PIK3R5: variants seen among roughly 807,000 people sequenced by gnomAD.
PIK3R5 encodes phosphoinositide 3-kinase regulatory subunit 5.
A neutral mutation model predicts 94.9 loss-of-function variants in PIK3R5; 32 were observed. That is an observed-to-expected ratio of 0.34 (90% CI 0.25 to 0.45). PIK3R5 has a LOEUF of 0.45. PIK3R5 is among the 20% of genes least tolerant of loss of function. The pLI, the probability that PIK3R5 is intolerant of heterozygous loss-of-function variation, is 1.00. For missense variants in PIK3R5, 853 were observed against 1,144.6 expected (o/e 0.75, Z 3.68); for synonymous variants, 443 against 479.4 (o/e 0.92, Z 0.99).
rs2090528046 is a variant in PIK3R5, at chr17:8,911,677, A to G, written c.-13-170T>C. 1 of 572,352 alleles carries G rather than the reference A, an allele frequency of 1.7e-6. No homozygotes were observed. Among genetic ancestry groups the G allele is most frequent in the Non-Finnish European group, 3.1e-6 (1 of 319,084 alleles). The allele number at this position is 572,352 out of a possible 1,614,324, so 35.5% of individuals were successfully genotyped here. A position where few individuals can be genotyped will look rare whatever the true frequency, so the allele number is the denominator to read the frequency against. On this transcript the variant is annotated intron_variant, in intron 1 of 18. Coordinates refer to ENST00000447110, the MANE Select transcript of PIK3R5 (RefSeq NM_001142633.3). This position sits in a 1 kb window ranked among gnomAD's most constrained non-coding sequence, Gnocchi z 5.3. The stretch of plus-strand genomic sequence containing the variant: ...CCTTACAGCTGCCTCCAGGGTAGGA[A>G]TGGCATCTGGAGGGCCACATCTGAG...
chr17:8,884,945 C>A lies in PIK3R5; in HGVS notation c.2129-162G>T. On this transcript the variant is annotated intron_variant, in intron 14 of 18. Coordinates refer to ENST00000447110, the MANE Select transcript of PIK3R5 (RefSeq NM_001142633.3). This position sits in a 1 kb window ranked among gnomAD's most constrained non-coding sequence, Gnocchi z 5.8. ...CAAGGCCCTGCCTCTCTCTCTGGCT[C>A]CACGTTCTGGGGATCTCCACCTCCT... is the stretch of plus-strand genomic sequence containing the variant. The A allele has an allele frequency of 1.6e-6, 1 of 628,030 alleles. No individual in the cohort carries two copies. The highest frequency in any genetic ancestry group is 2.9e-6 in the Non-Finnish European group (1 of 349,188). 38.9% of individuals were successfully genotyped at this position (628,030 alleles called of 1,614,324 possible). A position where few individuals can be genotyped will look rare whatever the true frequency, so the allele number is the denominator to read the frequency against.
Position 8,965,625 on chromosome 17 carries a change from C to G in PIK3R5, c.-43G>C, listed in dbSNP as rs938493481. The G allele has an allele frequency of 2.6e-5, 4 of 152,380 alleles. No individual in the cohort carries two copies. Among genetic ancestry groups the G allele is most frequent in the African/African-American group, 9.6e-5 (4 of 41,470 alleles). The allele number at this position is 152,380 out of a possible 1,614,324, so 9.4% of individuals were successfully genotyped here. On this transcript the variant is annotated 5_prime_UTR_variant, in exon 1 of 19. Coordinates refer to ENST00000447110, the MANE Select transcript of PIK3R5 (RefSeq NM_001142633.3). ...AGTCCCCGCCGGGCGCCGAGCCCCT[C>G]TCCAGCGGCGACTCCCTGCGATTCG... is the stretch of plus-strand genomic sequence containing the variant.
In PIK3R5 at chr17:8,881,962, CA is replaced by C. The variant is rs1264634884; in HGVS notation, c.2206-82del. 9.2e-7 allele frequency: 1 copy of C among 1,081,634 alleles called. No homozygotes were observed. Among genetic ancestry groups the C allele is most frequent in the African/African-American group, 1.6e-5 (1 of 64,138 alleles). The allele number at this position is 1,081,634 out of a possible 1,614,324, so 67.0% of individuals were successfully genotyped here. A position where few individuals can be genotyped will look rare whatever the true frequency, so the allele number is the denominator to read the frequency against. ...CTTCTCTTTGAAGGCCCATCAGTGA[CA>C]GGGGGTTGCCTCTAGTTAGCATATC... On this transcript the variant is annotated intron_variant, in intron 15 of 18. Transcript: ENST00000447110. The surrounding 1 kb of genome is among the most constrained non-coding windows in gnomAD (Gnocchi z 4.8).
chr17:8,939,987 A>G (rs1235033543), intron 1 of PIK3R5, among the ~76,000 whole-genome samples: 1 of 152,228 alleles, frequency 6.6e-6, no homozygotes, highest in Non-Finnish European at 1.5e-5. Context: ...TTAGTCTTAC[A>G]CATCTCTCTC....
rs879423012 is a variant in PIK3R5 at position 8,925,364 on chromosome 17, ATAG to A, written c.-13-13860_-13-13858del. On this transcript the variant is annotated intron_variant, in intron 1 of 18. Transcript: ENST00000447110. The surrounding 1 kb of genome is among the most constrained non-coding windows in gnomAD (Gnocchi z 5.1). ...GATTGATAGATAGATGGATTGATAG[ATAG>A]TAGATGGATAGATAGATAGATAGTA... Among the ~76,000 whole-genome samples the A allele has an allele frequency of 4.6e-5, 7 of 151,810 alleles. No individual in the cohort carries two copies. Among genetic ancestry groups the A allele is most frequent in the South Asian group, 2.1e-4 (1 of 4,800 alleles).
At chr17:8,938,952 C>T (rs957828790) in intron 1 of PIK3R5, among the ~76,000 whole-genome samples, 5 of 152,154 alleles carry the variant, frequency 3.3e-5, no homozygotes, top group South Asian at 2.1e-4. Context: ...AAGAAATGAA[C>T]GTAGCCTGGA....
intron 1 of PIK3R5, among the ~76,000 whole-genome samples, chr17:8,939,724 A>G (rs926882077): frequency 2.0e-5 from 3 of 152,196 alleles, no homozygotes; most frequent in Non-Finnish European, 4.4e-5. Flanking sequence ...TTCTCCATCC[A>G]AGTTCACGGA....
At chr17:8,960,541 T>C (rs1052629576) in intron 1 of PIK3R5, among the ~76,000 whole-genome samples, 1 of 152,192 alleles carries the variant, frequency 6.6e-6, no homozygotes, top group African/African-American at 2.4e-5. Flanking sequence ...TGCAGAAGTG[T>C]TGAATGAACA....
At chr17:8,921,989 T>C (rs2090758171) in intron 1 of PIK3R5, among the ~76,000 whole-genome samples, 1 of 152,132 alleles carries the variant, frequency 6.6e-6, no homozygotes, top group Non-Finnish European at 1.5e-5. Context: ...GCAAGCCATG[T>C]TATGGAAGAA....
intron 5 of PIK3R5, among the ~76,000 whole-genome samples, chr17:8,894,958 A>G (rs977354468): frequency 6.6e-6 from 1 of 152,166 alleles, no homozygotes; most frequent in African/African-American, 2.4e-5. Flanking sequence ...GCAGAAAATT[A>G]CCACATAATG....
chr17:8,887,556 G>C lies in PIK3R5; in HGVS notation c.1744C>G (p.Pro582Ala). The stretch of plus-strand genomic sequence containing the variant: ...GCGTGCCTAGGGGAGTCTGTCGGGG[G>C]TGAGGGCGTCTGGCTCCGAGGGGGT... ...CPPPRSQTPS[P>A]PTDSPRHASP... Residue 582 changes from proline (P) to alanine (A), a missense_variant, in exon 11 of 19, where the codon CCC becomes GCC. Pro to Ala is a conservative substitution (Grantham distance 27). Transcript: ENST00000447110. The C allele has an allele frequency of 6.2e-7, 1 of 1,608,592 alleles. No individual in the cohort carries two copies. The highest frequency in any genetic ancestry group is 8.5e-7 in the Non-Finnish European group (1 of 1,177,776).
chr17:8,934,768 A>G (rs1028851573), intron 1 of PIK3R5, among the ~76,000 whole-genome samples: 8 of 152,026 alleles, frequency 5.3e-5, no homozygotes, highest in African/African-American at 1.9e-4. Context: ...GAACCATAGT[A>G]TACATGTTGT....
chr17:8,936,748 T>A (rs2091084696), intron 1 of PIK3R5, among the ~76,000 whole-genome samples: 1 of 152,224 alleles, frequency 6.6e-6, no homozygotes. Flanking sequence ...TCTAGGTCTT[T>A]TTCTTTTCAT....
rs1343020087 is a variant in PIK3R5, at chr17:8,909,538, C to T, written c.104-364G>A. Reference sequence around the variant, plus strand: ...TCCTGACCTCGTGATCCGCCCGCCTCGGACTCCCAAAGTGCTGGGATTATA... The same window carrying T: ...TCCTGACCTCGTGATCCGCCCGCCTTGGACTCCCAAAGTGCTGGGATTATA... On this transcript the variant is annotated intron_variant, in intron 2 of 18. Coordinates refer to ENST00000447110, the MANE Select transcript of PIK3R5 (RefSeq NM_001142633.3). The surrounding 1 kb of genome is among the most constrained non-coding windows in gnomAD (Gnocchi z 4.3). Among the ~76,000 whole-genome samples the T allele has an allele frequency of 7.2e-5, 11 of 152,210 alleles. No individual in the cohort carries two copies. Among genetic ancestry groups the T allele is most frequent in the South Asian group, 6.2e-4 (3 of 4,834 alleles).
chr17:8,927,356 G>A (rs550443886), intron 1 of PIK3R5, among the ~76,000 whole-genome samples: 1 of 152,254 alleles, frequency 6.6e-6, no homozygotes, highest in Admixed American at 6.5e-5. Flanking sequence ...CCCTGGCCAG[G>A]CCGTAATGAG....
At chr17:8,900,984 G>A (rs891322104) in intron 5 of PIK3R5, among the ~76,000 whole-genome samples, 1 of 152,124 alleles carries the variant, frequency 6.6e-6, no homozygotes, top group African/African-American at 2.4e-5. Context: ...GAAACCCAAC[G>A]CCCTGCCAAG....
chr17:8,889,523 G>A lies in PIK3R5; in HGVS notation c.812-301C>T, dbSNP rs1300027615. Among the ~76,000 whole-genome samples, 2 of 152,148 alleles carry A rather than the reference G, an allele frequency of 1.3e-5. No homozygotes were observed. Among genetic ancestry groups the A allele is most frequent in the Non-Finnish European group, 2.9e-5 (2 of 68,018 alleles). On this transcript the variant is annotated intron_variant, in intron 8 of 18. Coordinates refer to ENST00000447110, the MANE Select transcript of PIK3R5 (RefSeq NM_001142633.3). This position sits in a 1 kb window ranked among gnomAD's most constrained non-coding sequence, Gnocchi z 4.1. ...GGAGAATAATAGTACTAGCCCAGAA[G>A]GTTTTTATGAGGAATATTGTAACAG...
intron 1 of PIK3R5, among the ~76,000 whole-genome samples, chr17:8,918,286 A>G (rs2090668254): frequency 6.6e-6 from 1 of 152,188 alleles, no homozygotes; most frequent in South Asian, 2.1e-4. Flanking sequence ...TGAAACAGGA[A>G]ATATACAAAA....
intron 1 of PIK3R5, among the ~76,000 whole-genome samples, chr17:8,936,057 A>G (rs1321086492): frequency 6.6e-6 from 1 of 151,180 alleles, no homozygotes; most frequent in Non-Finnish European, 1.5e-5. Flanking sequence ...CCATCTCAAA[A>G]AAAAAAAAAA....
Sources: allele counts gnomAD v4.1 joint callset (sites outside exome capture counted in the v4.1 genomes callset), GRCh38; gene constraint gnomAD v4.1.1; non-coding constraint Gnocchi (gnomAD v3.1); transcripts MANE v1.5; gene names NCBI Gene and HGNC (gene_info 2026-07-23, HGNC 2026-07-21).